The following NOVA2 variants were observed in gnomAD, a reference collection of about 807,000 sequenced individuals.
NOVA2 encodes NOVA alternative splicing regulator 2.
A neutral mutation model predicts 22.5 loss-of-function variants in NOVA2; 9 were observed. That is an observed-to-expected ratio of 0.40 (90% CI 0.24 to 0.70). The LOEUF (loss-of-function observed/expected upper bound fraction) is 0.70. Among genes scored for constraint, NOVA2 ranks in the 30% least tolerant of loss-of-function variants. The probability of loss-of-function intolerance (pLI) is 0.38; values close to 1 mark genes in which losing one functional copy is unlikely to be tolerated. For missense variants in NOVA2, 383 were observed against 682.8 expected (o/e 0.56, Z 4.89); for synonymous variants, 318 against 335.2 (o/e 0.95, Z 0.56).
At chr19:45,973,042 C>A (rs1186057195) in intron 1 of NOVA2, among the ~76,000 whole-genome samples, 1 of 139,794 alleles carries the variant, frequency 7.2e-6, no homozygotes, top group Non-Finnish European at 1.6e-5. Flanking sequence ...ATCACCCCCT[C>A]CCCCCCACCC....
intron 3 of NOVA2, among the ~76,000 whole-genome samples, chr19:45,950,033 G>A (rs1046606391): frequency 4.0e-5 from 6 of 150,424 alleles, no homozygotes; most frequent in Admixed American, 6.6e-5. Context: ...GAGCCACTAC[G>A]TCCAGCCTCC....
In NOVA2 at chr19:45,950,164, C is replaced by CT. The variant is rs61551112; in HGVS notation, c.396+3615dup. Among the ~76,000 whole-genome samples, 1,029 of 132,696 alleles carry CT rather than the reference C, an allele frequency of 7.8e-3. 10 individuals are homozygous for CT. Among genetic ancestry groups the CT allele is most frequent in the African/African-American group, 0.022 (795 of 36,726 alleles). 87.1% of individuals were successfully genotyped at this position (132,696 alleles called of 152,430 possible). On this transcript the variant is annotated intron_variant, in intron 3 of 3. Coordinates refer to ENST00000263257, the MANE Select transcript of NOVA2 (RefSeq NM_002516.4). ...ACCCTATATTATTATTGGAAACATT[C>CT]TTTTTTTTTTTTTTTTTACAGTCTT...
Position 45,938,460 on chromosome 19 carries a change from G to A in NOVA2, c.*1403C>T, listed in dbSNP as rs1967689140. 6.6e-6 allele frequency: 1 copy of A among 152,402 alleles called. No homozygotes were observed. Among genetic ancestry groups the A allele is most frequent in the African/African-American group, 2.4e-5 (1 of 41,444 alleles). 9.4% of individuals were successfully genotyped at this position (152,402 alleles called of 1,614,324 possible). ...CCAAGGGACCCTACTATGGCTCACT[G>A]AACTCTACACCTGGCCATACTGGCC... On this transcript the variant is annotated 3_prime_UTR_variant, in exon 4 of 4. Transcript: ENST00000263257.
intron 2 of NOVA2, among the ~76,000 whole-genome samples, chr19:45,956,552 C>T (rs1968008992): frequency 6.6e-6 from 1 of 152,038 alleles, no homozygotes; most frequent in East Asian, 1.9e-4. Context: ...ATCACGGCAA[C>T]CTCTGCCTCC....
In NOVA2 at chr19:45,973,454, C is replaced by CGGCGGCGGCGGCGGCGGG. The variant is rs1385256390; in HGVS notation, c.-121_-104dup. On this transcript the variant is annotated 5_prime_UTR_variant, in exon 1 of 4. Transcript: ENST00000263257. ...ACGGCTGCTGGGGAGGCTGGGGTTG[C>CGGCGGCGGCGGCGGCGGG]GGCGGCGGCGGCGGCGGGGGCGGCG... 1 of 136,944 alleles carries CGGCGGCGGCGGCGGCGGG rather than the reference C, an allele frequency of 7.3e-6. No individual in the cohort carries two copies. Among genetic ancestry groups the CGGCGGCGGCGGCGGCGGG allele is most frequent in the African/African-American group, 2.8e-5 (1 of 35,616 alleles). 8.5% of individuals were successfully genotyped at this position (136,944 alleles called of 1,614,324 possible). A position where few individuals can be genotyped will look rare whatever the true frequency, so the allele number is the denominator to read the frequency against.
intron 3 of NOVA2, among the ~76,000 whole-genome samples, chr19:45,948,238 T>C (rs1386111589): frequency 6.6e-6 from 1 of 152,122 alleles, no homozygotes; most frequent in African/African-American, 2.4e-5. Flanking sequence ...GCTGAGCACC[T>C]ACTATGTGCC....
rs759617548 is a variant in NOVA2 at position 45,940,588 on chromosome 19, G to A, written c.754C>T (p.Leu252=). 108 of 1,423,406 alleles carry A rather than the reference G, an allele frequency of 7.6e-5. No individual in the cohort carries two copies. The African/African-American group carries it at 1.1e-3, about 14-fold the overall frequency. The allele number at this position is 1,423,406 out of a possible 1,614,324, so 88.2% of individuals were successfully genotyped here. The change falls in exon 4 of 4, where the codon CTG becomes TTG. Residue 252 remains leucine (L), a synonymous_variant. Coordinates refer to ENST00000263257, the MANE Select transcript of NOVA2 (RefSeq NM_002516.4). ...AAASAAAASG[L]LGPAGLAGVG... is the part of the protein sequence containing the mutation. ...CCAGCCAGCCCGGCGGGGCCCAGCA[G>A]GCCGGAGGCGGCGGCGGCCGACGCT...
chr19:45,955,390 G>A (rs2146417968), intron 2 of NOVA2, among the ~76,000 whole-genome samples: 1 of 152,250 alleles, frequency 6.6e-6, no homozygotes, highest in East Asian at 1.9e-4. Flanking sequence ...CTTTTTGGAT[G>A]ACTGGTGTGT....
chr19:45,956,358 G>C (rs1968005927), intron 2 of NOVA2, among the ~76,000 whole-genome samples: 1 of 152,142 alleles, frequency 6.6e-6, no homozygotes, highest in Non-Finnish European at 1.5e-5. Context: ...TCCCCTTGTA[G>C]TTTTTACAAG....
At chr19:45,964,346 AT>A (rs1418783907) in intron 1 of NOVA2, among the ~76,000 whole-genome samples, 1 of 98,026 alleles carries the variant, frequency 1.0e-5, no homozygotes, top group Non-Finnish European at 2.0e-5. Context: ...TGCCCGGCTA[AT>A]TTGTGTGTGT....
chr19:45,963,798 G>C (rs1445836551), intron 1 of NOVA2, among the ~76,000 whole-genome samples: 1 of 152,064 alleles, frequency 6.6e-6, no homozygotes, highest in Non-Finnish European at 1.5e-5. Flanking sequence ...CCAAAGTGCT[G>C]GGATTACAAG....
In NOVA2 at chr19:45,939,829, GGA is replaced by G; in HGVS notation, c.*32_*33del. ...GGAGAGGGAAGAGGAGGAGATGGGA[GGA>G]GAGAAAAGGGTGGGAGCACACACCA... is the stretch of plus-strand genomic sequence containing the variant. On this transcript the variant is annotated 3_prime_UTR_variant, in exon 4 of 4. Transcript: ENST00000263257. 2 of 1,612,044 alleles carry G rather than the reference GGA, an allele frequency of 1.2e-6. No homozygotes were observed. The highest frequency in any genetic ancestry group is 1.7e-6 in the Non-Finnish European group (2 of 1,178,708).
intron 1 of NOVA2, among the ~76,000 whole-genome samples, chr19:45,968,400 C>T: frequency 6.6e-6 from 1 of 151,892 alleles, no homozygotes; most frequent in East Asian, 1.9e-4. Flanking sequence ...GCGGTGTTGC[C>T]TATTTGGTGT....
chr19:45,955,718 C>T lies in NOVA2; in HGVS notation c.230-1772G>A, dbSNP rs141051801. On this transcript the variant is annotated intron_variant, in intron 2 of 3. Coordinates refer to ENST00000263257, the MANE Select transcript of NOVA2 (RefSeq NM_002516.4). ...ACTAAAAATACAAGAATTAGCTGGG[C>T]GTGGTGGCACGCACCTGTAGTCCCA... Among the ~76,000 whole-genome samples the T allele has an allele frequency of 9.0e-3, 1,366 of 152,062 alleles. 14 individuals are homozygous for T. Among genetic ancestry groups the T allele is most frequent in the Non-Finnish European group, 0.013 (875 of 68,002 alleles).
intron 1 of NOVA2, among the ~76,000 whole-genome samples, chr19:45,964,695 G>A (rs1968147464): frequency 6.6e-6 from 1 of 151,712 alleles, no homozygotes; most frequent in Admixed American, 6.6e-5. Flanking sequence ...CAAGTAGCTG[G>A]GACTACAGGC....
At chr19:45,965,983 G>A (rs1181302088) in intron 1 of NOVA2, among the ~76,000 whole-genome samples, 1 of 152,228 alleles carries the variant, frequency 6.6e-6, no homozygotes, top group East Asian at 1.9e-4. Flanking sequence ...CACAAGTTCA[G>A]TGCTTATCAC....
intron 1 of NOVA2, among the ~76,000 whole-genome samples, chr19:45,963,268 A>C (rs181643081): frequency 1.2e-3 from 189 of 151,672 alleles, no homozygotes; most frequent in African/African-American, 4.1e-3. Context: ...AGTCCCAGCT[A>C]CTCGGGAGGC....
intron 2 of NOVA2, among the ~76,000 whole-genome samples, chr19:45,957,029 A>T (rs1399223953): frequency 1.3e-5 from 2 of 152,202 alleles, no homozygotes; most frequent in African/African-American, 4.8e-5. Flanking sequence ...TGTATTTTTG[A>T]TATTAAAAAG....
intron 2 of NOVA2, among the ~76,000 whole-genome samples, chr19:45,960,091 G>C (rs1968073135): frequency 6.6e-6 from 1 of 151,598 alleles, no homozygotes; most frequent in African/African-American, 2.4e-5. Flanking sequence ...TGTATGGTTG[G>C]GGGAGAAGGA....
Sources: gnomAD v4.1 joint callset for allele counts (sites outside exome capture counted in the v4.1 genomes callset) on GRCh38, gnomAD v4.1.1 for gene constraint, MANE v1.5 for transcripts, NCBI Gene and HGNC (gene_info 2026-07-23, HGNC 2026-07-21) for gene names.